Variants in LDLRAD1 observed in about 807,000 individuals in gnomAD.
The protein encoded by LDLRAD1 is low-density lipoprotein receptor class A domain-containing protein 1.
Under a neutral mutation model 24.8 loss-of-function variants are expected in LDLRAD1, and 17 were observed. That is an observed-to-expected ratio of 0.69 (90% CI 0.47 to 1.03). The LOEUF (loss-of-function observed/expected upper bound fraction) is 1.03, where lower values mean the gene tolerates loss of function less well. LDLRAD1 is among the 50% of genes least tolerant of loss of function. LDLRAD1 has a pLI of 0.00. For synonymous variants in LDLRAD1, 103 were observed against 108.2 expected (o/e 0.95, Z 0.30); for missense variants, 277 against 271.0 (o/e 1.02, Z -0.16).
chr1:54,013,856 G>A (rs910035461), intron 3 of LDLRAD1, among the ~76,000 whole-genome samples: 1 of 152,070 alleles, frequency 6.6e-6, no homozygotes, highest in East Asian at 1.9e-4. Context: ...GATGTCACCC[G>A]GTCCCCTGTG....
At chr1:54,015,986 A>G (rs1458401144) in intron 2 of LDLRAD1, among the ~76,000 whole-genome samples, 2 of 152,080 alleles carry the variant, frequency 1.3e-5, no homozygotes, top group Non-Finnish European at 1.5e-5. Flanking sequence ...GAATATGCCG[A>G]CCTGGGGGTC....
chr1:54,015,700 G>C (rs1438949409), intron 2 of LDLRAD1, among the ~76,000 whole-genome samples: 1 of 150,118 alleles, frequency 6.7e-6, no homozygotes, highest in Non-Finnish European at 1.5e-5. Flanking sequence ...CTATTGCCCA[G>C]GCTGAAGTGC....
intron 2 of LDLRAD1, 88 bp downstream of exon 2, chr1:54,017,288 C>T (rs373377985): frequency 9.2e-7 from 1 of 1,085,072 alleles, no homozygotes; most frequent in Middle Eastern, 2.9e-4. Context: ...ACAGTGGGAG[C>T]CTTGAACCCT....
intron 2 of LDLRAD1, among the ~76,000 whole-genome samples, chr1:54,016,950 GAA>G (rs1277100895): frequency 6.6e-6 from 1 of 152,210 alleles, no homozygotes. Flanking sequence ...TCTATTTTCA[GAA>G]GGGTAAAGAG....
At chr1:54,016,350 G>A (rs937298238) in intron 2 of LDLRAD1, among the ~76,000 whole-genome samples, 8 of 152,166 alleles carry the variant, frequency 5.3e-5, no homozygotes, top group African/African-American at 1.7e-4. Context: ...GGGAGGCAGC[G>A]TGACTCTGGG....
chr1:54,014,468 C>G (rs185429980), intron 2 of LDLRAD1, 104 bp from the exon 3 acceptor site: 103 of 1,141,462 alleles, frequency 9.0e-5, no homozygotes, highest in Middle Eastern at 8.6e-4. Flanking sequence ...GCCTCTCCCC[C>G]ACGAGGGTGA....
chr1:54,017,862 C>G (rs919145441), intron 1 of LDLRAD1, among the ~76,000 whole-genome samples: 2 of 152,104 alleles, frequency 1.3e-5, no homozygotes, highest in African/African-American at 4.8e-5. Flanking sequence ...CGGGGCAGGA[C>G]GGGGGCTGAT....
Position 54,008,855 on chromosome 1 carries a change from T to C in LDLRAD1, c.*127A>G. The C allele has an allele frequency of 1.2e-6, 1 of 846,032 alleles. No individual in the cohort carries two copies. The highest frequency in any genetic ancestry group is 1.8e-6 in the Non-Finnish European group (1 of 543,762). The allele number at this position is 846,032 out of a possible 1,614,324, so 52.4% of individuals were successfully genotyped here. ...TGAAAGGAGGAGAGAAAATTCCTATTCAGAAATGATGTGTAGATCCCATTT... is the reference window on the plus strand; with the variant it reads ...TGAAAGGAGGAGAGAAAATTCCTATCCAGAAATGATGTGTAGATCCCATTT... On this transcript the variant is annotated 3_prime_UTR_variant, in exon 6 of 6. Coordinates refer to ENST00000371360, the MANE Select transcript of LDLRAD1 (RefSeq NM_001010978.4).
At chr1:54,009,169 T>C (rs777987430) in intron 5 of LDLRAD1, 39 bp from the exon 6 acceptor site, 14 of 1,603,886 alleles carry the variant, frequency 8.7e-6, no homozygotes, top group Non-Finnish European at 9.4e-6. Context: ...AGTTGCTGTG[T>C]CCTGGAACGC....
intron 3 of LDLRAD1, among the ~76,000 whole-genome samples, chr1:54,012,969 G>A (rs562285705): frequency 6.6e-6 from 1 of 152,236 alleles, no homozygotes; most frequent in African/African-American, 2.4e-5. Context: ...GTGCATAATT[G>A]GGGATGGGAG....
rs1253306869 is a variant in LDLRAD1 at position 54,007,799 on chromosome 1, A to C, written c.*1183T>G. On this transcript the variant is annotated 3_prime_UTR_variant, in exon 6 of 6. Transcript: ENST00000371360. ...ACTGCCCTGGCCAAGGTATAATCAC[A>C]CTGGTAGCTGGAAAGCCTTCTGGGC... 6.6e-6 allele frequency: 1 copy of C among 152,194 alleles called. No homozygotes were observed. The highest frequency in any genetic ancestry group is 1.5e-5 in the Non-Finnish European group (1 of 68,114). The allele number at this position is 152,194 out of a possible 1,614,324, so 9.4% of individuals were successfully genotyped here.
rs370517082 is a variant in LDLRAD1 at position 54,012,105 on chromosome 1, G to A, written c.340+38C>T. 7 of 1,609,008 alleles carry A rather than the reference G, an allele frequency of 4.4e-6. No individual in the cohort carries two copies. The African/African-American group carries it at 8.0e-5, about 18-fold the overall frequency. On this transcript the variant is annotated intron_variant, in intron 4 of 5. Transcript: ENST00000371360. ...GATGCCAAGAGCATCGGAGTGTGGG[G>A]GAACCCCTGGGAGGGGCAGCACCGA...
chr1:54,012,842 G>GC (rs1172596965), intron 3 of LDLRAD1, among the ~76,000 whole-genome samples: 15 of 152,094 alleles, frequency 9.9e-5, no homozygotes, highest in Non-Finnish European at 2.2e-4. Flanking sequence ...GTCATCATTA[G>GC]CCCCCCATAT....
Position 54,014,357 on chromosome 1 carries a change from GC to G in LDLRAD1, c.80del (p.Gly27AlafsTer47), listed in dbSNP as rs1237848364. On this transcript the variant is annotated frameshift_variant, in exon 3 of 6. Coordinates refer to ENST00000371360, the MANE Select transcript of LDLRAD1 (RefSeq NM_001010978.4). LOFTEE classifies it high-confidence loss of function. ...CGCGACGTGAGCAGCAGAGGTGGCC[GC>G]CGCCTGCTGTGTGGGGGGGAAACAA... The part of the protein sequence containing the change: ...SKAHPGGEAG[G>X]GHLCCSRRGA... 8 of 1,510,076 alleles carry G rather than the reference GC, an allele frequency of 5.3e-6. No individual in the cohort carries two copies. Among genetic ancestry groups the G allele is most frequent in the African/African-American group, 1.4e-5 (1 of 71,566 alleles). 93.5% of individuals were successfully genotyped at this position (1,510,076 alleles called of 1,614,324 possible). A position where few individuals can be genotyped will look rare whatever the true frequency, so the allele number is the denominator to read the frequency against.
At chr1:54,017,082 T>A in intron 2 of LDLRAD1, among the ~76,000 whole-genome samples, 1 of 152,246 alleles carries the variant, frequency 6.6e-6, no homozygotes, top group East Asian at 1.9e-4. Flanking sequence ...AATTTGACGC[T>A]GGTGCTCTTT....
Position 54,014,271 on chromosome 1 carries a change from A to C in LDLRAD1, c.167T>G (p.Leu56Trp), listed in dbSNP as rs1406356741. The C allele has an allele frequency of 3.2e-6, 5 of 1,554,164 alleles. No individual in the cohort carries two copies. In the East Asian group the frequency reaches 1.2e-4, roughly 37 times the overall value. ...LLATVAALIA[L>W]VTILGLPSCT... ...TGATGGGAGTCCAAGAATGGTGACC[A>C]AGGCGATGAGGGCCGCCACAGTTGC... Residue 56 changes from leucine to tryptophan, a missense_variant, in exon 3 of 6, where the codon TTG becomes TGG. By Grantham distance (61) the Leu-to-Trp change is moderately conservative. Transcript: ENST00000371360.
At chr1:54,011,175 GA>G (rs772513217) in intron 4 of LDLRAD1, among the ~76,000 whole-genome samples, 12 of 152,308 alleles carry the variant, frequency 7.9e-5, no homozygotes, top group Non-Finnish European at 1.5e-4. Context: ...GTGGCGTAGA[GA>G]AGAGAAACCT....
intron 4 of LDLRAD1, 130 bp downstream of exon 4, chr1:54,012,013 T>A (rs968225834): frequency 2.8e-6 from 3 of 1,089,212 alleles, no homozygotes; most frequent in African/African-American, 3.1e-5. Context: ...GGGGCAGGTG[T>A]TCCTGGATGA....
At position 54,012,219 on chromosome 1, in the gene LDLRAD1, G is replaced by A. The variant is rs767999490; in HGVS notation, c.264C>T (p.Ser88=). ...RTGFLCHDQR[S]CIPASGVCDG... ...CACAGACCCCACTGGCTGGAATGCA[G>A]CTCCTCTGGTCATGGCACAAGAAGC... The change falls in exon 4 of 6, where the codon AGC becomes AGT. Residue 88 remains serine (S), a synonymous_variant. Coordinates refer to ENST00000371360, the MANE Select transcript of LDLRAD1 (RefSeq NM_001010978.4). The A allele has an allele frequency of 1.9e-6, 3 of 1,614,162 alleles. No homozygotes were observed. Among genetic ancestry groups the A allele is most frequent in the Non-Finnish European group, 2.5e-6 (3 of 1,179,992 alleles).
Sources: gnomAD v4.1 joint callset for allele counts (sites outside exome capture counted in the v4.1 genomes callset) on GRCh38, gnomAD v4.1.1 for gene constraint, MANE v1.5 for transcripts, NCBI Gene and HGNC (gene_info 2026-07-23, HGNC 2026-07-21) for gene names.